Variants in DLG2 observed in about 807,000 individuals in gnomAD.
The protein encoded by DLG2 is discs large MAGUK scaffold protein 2.
In DLG2, 45 loss-of-function variants were observed where a neutral mutation model predicts 132.5. The ratio of observed to expected loss-of-function variants is 0.34; its 90% CI spans 0.27 to 0.44. The LOEUF is 0.44. Ranked by LOEUF, DLG2 falls within the 20% of genes least tolerant of loss-of-function variation. DLG2 has a pLI of 1.00. For missense variants in DLG2, 1,045 were observed against 1,196.9 expected (o/e 0.87, Z 1.87); for synonymous variants, 424 against 419.6 (o/e 1.01, Z -0.13).
At chr11:84,058,146 T>C (rs1384619935) in intron 11 of DLG2, among the ~76,000 whole-genome samples, 1 of 152,150 alleles carries the variant, frequency 6.6e-6, no homozygotes, top group Non-Finnish European at 1.5e-5. Context: ...ATGGTAGGCT[T>C]ATTTTTTCAA....
intron 6 of DLG2, among the ~76,000 whole-genome samples, chr11:84,595,002 GC>G (rs2099552980): frequency 6.6e-6 from 1 of 152,128 alleles, no homozygotes; most frequent in Non-Finnish European, 1.5e-5. Context: ...GACCTTTCAT[GC>G]AAAAAGTAGA....
chr11:85,341,813 C>T (rs983133524), intron 3 of DLG2, among the ~76,000 whole-genome samples: 1 of 152,208 alleles, frequency 6.6e-6, no homozygotes, highest in African/African-American at 2.4e-5. Flanking sequence ...CACACTTACA[C>T]TATATGGTGT....
chr11:84,713,981 T>C (rs963818376), intron 6 of DLG2, among the ~76,000 whole-genome samples: 1 of 152,080 alleles, frequency 6.6e-6, no homozygotes, highest in Non-Finnish European at 1.5e-5. Flanking sequence ...AGACTCAACA[T>C]GATTACAACT....
intron 6 of DLG2, among the ~76,000 whole-genome samples, chr11:84,560,167 T>G (rs2099422548): frequency 6.6e-6 from 1 of 152,160 alleles, no homozygotes; most frequent in Non-Finnish European, 1.5e-5. Context: ...GAATCTGATC[T>G]TCCCTTTAAG....
intron 4 of DLG2, 29 bp from the exon 5 acceptor site, chr11:85,154,680 T>G (rs577149157): frequency 1.8e-6 from 2 of 1,087,276 alleles, no homozygotes; most frequent in African/African-American, 1.6e-5. Flanking sequence ...AAATCAATAC[T>G]CCTTTTTTAT....
At chr11:85,548,454 G>C (rs991319662) in intron 3 of DLG2, among the ~76,000 whole-genome samples, 8 of 152,220 alleles carry the variant, frequency 5.3e-5, no homozygotes, top group African/African-American at 1.9e-4. Context: ...TCCCAGTCAG[G>C]ATACACGGGG....
intron 17 of DLG2, chr11:83,789,875 G>T: frequency 1.8e-6 from 1 of 552,076 alleles, no homozygotes; most frequent in Non-Finnish European, 2.9e-6. Context: ...AATAGTTATG[G>T]CAGCAAAAGA....
intron 7 of DLG2, among the ~76,000 whole-genome samples, chr11:84,415,752 G>A (rs770008821): frequency 5.3e-5 from 8 of 152,100 alleles, no homozygotes; most frequent in Non-Finnish European, 1.2e-4. Context: ...GACAGAAATG[G>A]ACTTCTGGCT....
intron 19 of DLG2, among the ~76,000 whole-genome samples, chr11:83,573,676 A>G (rs1384638230): frequency 2.0e-5 from 3 of 152,106 alleles, no homozygotes; most frequent in Non-Finnish European, 2.9e-5. Context: ...GCATTTTATT[A>G]TTTATTTTCA....
chr11:83,528,684 C>T (rs1179878953), intron 21 of DLG2, among the ~76,000 whole-genome samples: 1 of 152,172 alleles, frequency 6.6e-6, no homozygotes, highest in Non-Finnish European at 1.5e-5. Context: ...CTGATGCTTG[C>T]ACCTACTAAC....
At chr11:85,421,276 C>T (rs1214479227) in intron 3 of DLG2, among the ~76,000 whole-genome samples, 1 of 152,048 alleles carries the variant, frequency 6.6e-6, no homozygotes, top group Admixed American at 6.6e-5. Context: ...GGGTTGCACC[C>T]ACTGTTTAAC....
chr11:84,791,902 T>A (rs924452239), intron 6 of DLG2, among the ~76,000 whole-genome samples: 2 of 152,206 alleles, frequency 1.3e-5, no homozygotes, highest in African/African-American at 2.4e-5. Flanking sequence ...TATCTGCTTT[T>A]CCAACTTGAA....
intron 19 of DLG2, among the ~76,000 whole-genome samples, chr11:83,584,135 T>C (rs2097035516): frequency 6.6e-6 from 1 of 152,180 alleles, no homozygotes; most frequent in Admixed American, 6.5e-5. Flanking sequence ...CAGGTCTCTG[T>C]TTCCTATTAT....
intron 6 of DLG2, among the ~76,000 whole-genome samples, chr11:84,669,351 A>G (rs1442352077): frequency 6.6e-6 from 1 of 152,150 alleles, no homozygotes; most frequent in Non-Finnish European, 1.5e-5. Flanking sequence ...TACCAGTCAC[A>G]AAGACTAACT....
chr11:83,709,955 C>T (rs1471402486), intron 18 of DLG2, among the ~76,000 whole-genome samples: 1 of 152,160 alleles, frequency 6.6e-6, no homozygotes, highest in Non-Finnish European at 1.5e-5. Context: ...GTCCACACTC[C>T]ACTGGATAGG....
intron 6 of DLG2, among the ~76,000 whole-genome samples, chr11:84,623,916 C>G (rs2099618013): frequency 6.6e-6 from 1 of 152,180 alleles, no homozygotes; most frequent in Admixed American, 6.6e-5. Context: ...TAATATTCTT[C>G]TCTGCTAGGT....
chr11:85,533,069 G>A (rs1202246404), intron 3 of DLG2, among the ~76,000 whole-genome samples: 2 of 152,066 alleles, frequency 1.3e-5, no homozygotes, highest in East Asian at 3.9e-4. Flanking sequence ...TATCACTCAG[G>A]CTGAAGTGCA....
intron 11 of DLG2, among the ~76,000 whole-genome samples, chr11:84,014,468 T>A (rs1351265302): frequency 6.6e-6 from 1 of 152,166 alleles, no homozygotes; most frequent in Non-Finnish European, 1.5e-5. Flanking sequence ...ATGTTTTAAA[T>A]GAAAATAAAA....
intron 4 of DLG2, among the ~76,000 whole-genome samples, chr11:85,168,430 T>C (rs1001150935): frequency 2.0e-5 from 3 of 152,102 alleles, no homozygotes; most frequent in Non-Finnish European, 4.4e-5. Context: ...TATAACAGAA[T>C]GATATAGTTG....
Sources: gnomAD v4.1 joint callset for allele counts (sites outside exome capture counted in the v4.1 genomes callset) on GRCh38, gnomAD v4.1.1 for gene constraint, MANE v1.5 for transcripts, NCBI Gene and HGNC (gene_info 2026-07-23, HGNC 2026-07-21) for gene names.